SCN9A: variants seen among roughly 807,000 people sequenced by gnomAD.
The protein encoded by SCN9A is sodium channel protein type 9 subunit alpha.
SCN9A carries 131 observed loss-of-function variants against 187.0 expected under a neutral mutation model. The ratio of observed to expected loss-of-function variants is 0.70; its 90% CI spans 0.61 to 0.81. The LOEUF (loss-of-function observed/expected upper bound fraction) is 0.81, where lower values mean the gene tolerates loss of function less well. Among genes scored for constraint, SCN9A ranks in the 30% least tolerant of loss-of-function variants. SCN9A has a pLI of 0.00. For missense variants in SCN9A, 2,252 were observed against 2,396.6 expected (o/e 0.94, Z 1.26); for synonymous variants, 809 against 808.6 (o/e 1.00, Z -0.01).
At position 166,280,496 on chromosome 2, in the gene SCN9A, T is replaced by C; in HGVS notation, c.2204A>G (p.Lys735Arg). Residue 735 changes from lysine (K) to arginine (R), a missense_variant, in exon 14 of 27, where the codon AAG becomes AGG. Coordinates refer to ENST00000642356, the MANE Select transcript of SCN9A (RefSeq NM_001365536.1). ...NCSPYWIKFKKCIYFIVMDPF... is the reference protein window; with the variant it reads ...NCSPYWIKFKRCIYFIVMDPF... The stretch of plus-strand genomic sequence containing the variant: ...ATCCATTACAATAAAATAGATACAC[T>C]TTTTGAATTTTATCCAATATGGAGA... 4.4e-6 allele frequency: 7 copies of C among 1,587,298 alleles called. No homozygotes were observed. The highest frequency in any genetic ancestry group is 1.7e-4 in the Middle Eastern group (1 of 6,026).
At position 166,199,011 on chromosome 2, in the gene SCN9A, G is replaced by C; in HGVS notation, c.5628C>G (p.Ser1876=). ...RFMSANPSKV[S]YEPITTTLKR... is the part of the protein sequence containing the mutation. Reference sequence around the variant, plus strand: ...TTAGTGTGGTTGTGATGGGTTCATAGGACACTTTGGAAGGATTTGCAGACA... The same window carrying C: ...TTAGTGTGGTTGTGATGGGTTCATACGACACTTTGGAAGGATTTGCAGACA... Residue 1876 remains serine (S), a synonymous_variant, in exon 27 of 27, where the codon TCC becomes TCG. Transcript: ENST00000642356. The C allele has an allele frequency of 1.2e-6, 2 of 1,614,026 alleles. No individual in the cohort carries two copies. Among genetic ancestry groups the C allele is most frequent in the East Asian group, 4.5e-5 (2 of 44,880 alleles).
intron 18 of SCN9A, among the ~76,000 whole-genome samples, chr2:166,247,274 T>C (rs193182113): frequency 5.3e-5 from 8 of 151,096 alleles, no homozygotes; most frequent in Admixed American, 4.0e-4. Flanking sequence ...AATTTAAAAA[T>C]TGATTATGAA....
chr2:166,219,736 CA>C (rs1558958473), intron 24 of SCN9A, among the ~76,000 whole-genome samples: 1 of 151,648 alleles, frequency 6.6e-6, no homozygotes, highest in Non-Finnish European at 1.5e-5. Context: ...AAATAAAAGT[CA>C]AAAAAGTCAC....
intron 20 of SCN9A, among the ~76,000 whole-genome samples, chr2:166,237,343 T>C (rs1446149571): frequency 6.6e-6 from 1 of 152,026 alleles, no homozygotes; most frequent in Non-Finnish European, 1.5e-5. Flanking sequence ...ATATTTCTAC[T>C]TCGTTAAAAT....
At chr2:166,280,762 T>C (rs1374716680) in intron 13 of SCN9A, among the ~76,000 whole-genome samples, 167 bp from the exon 14 acceptor site, 10 of 152,212 alleles carry the variant, frequency 6.6e-5, no homozygotes, top group Admixed American at 6.5e-4. Context: ...GTAAGTCTAT[T>C]ATGACATGTT....
intron 7 of SCN9A, among the ~76,000 whole-genome samples, chr2:166,296,428 G>A (rs545344195): frequency 2.0e-3 from 305 of 152,288 alleles, no homozygotes; most frequent in African/African-American, 6.7e-3. Context: ...AAATGTAGGT[G>A]AAAATGTGCA....
At chr2:166,363,324 TCTCTG>T (rs1173486196) in intron 1 of SCN9A, among the ~76,000 whole-genome samples, 1 of 152,022 alleles carries the variant, frequency 6.6e-6, no homozygotes, top group Non-Finnish European at 1.5e-5. Flanking sequence ...TTAAGCACCT[TCTCTG>T]TGCAAAGCCT....
rs1697420744 is a variant in SCN9A, at chr2:166,280,338, C to A, written c.2343+19G>T. ...AAAAAGAGAAACTATGAGTACATAA[C>A]ACACAATAAGAGACTTACCAAATTT... On this transcript the variant is annotated intron_variant, in intron 14 of 26. Transcript: ENST00000642356. 1.5e-6 allele frequency: 2 copies of A among 1,349,954 alleles called. No individual in the cohort carries two copies. Among genetic ancestry groups the A allele is most frequent in the African/African-American group, 2.9e-5 (2 of 68,882 alleles). 83.6% of individuals were successfully genotyped at this position (1,349,954 alleles called of 1,614,324 possible).
intron 12 of SCN9A, among the ~76,000 whole-genome samples, chr2:166,283,982 T>C (rs1372816827): frequency 2.6e-5 from 4 of 152,178 alleles, no homozygotes; most frequent in Non-Finnish European, 4.4e-5. Flanking sequence ...TTGTCATAAA[T>C]ACTAAATATG....
intron 18 of SCN9A, among the ~76,000 whole-genome samples, chr2:166,248,920 C>T (rs745683004): frequency 6.6e-6 from 1 of 151,982 alleles, no homozygotes; most frequent in Non-Finnish European, 1.5e-5. Context: ...TCGCCCACCT[C>T]GGCCTCCCAA....
chr2:166,214,576 G>A (rs1239191411), intron 24 of SCN9A, among the ~76,000 whole-genome samples: 6 of 122,008 alleles, frequency 4.9e-5, no homozygotes, highest in African/African-American at 6.7e-5. Flanking sequence ...GTGCAGTGGC[G>A]CAATCTCGGC....
intron 24 of SCN9A, 75 bp from the exon 25 acceptor site, chr2:166,204,539 T>C (rs543837617): frequency 2.3e-6 from 2 of 856,654 alleles, no homozygotes; most frequent in East Asian, 2.6e-5. Flanking sequence ...ATTACTAAAA[T>C]AGGTTAAAAT....
chr2:166,338,041 AAG>A (rs1699671985), intron 1 of SCN9A, among the ~76,000 whole-genome samples: 2 of 152,144 alleles, frequency 1.3e-5, no homozygotes. Context: ...CCCAGGATAC[AAG>A]AGAGAAACCA....
At chr2:166,373,294 TCTC>T (rs1178065277) in intron 1 of SCN9A, among the ~76,000 whole-genome samples, 2 of 150,522 alleles carry the variant, frequency 1.3e-5, no homozygotes, top group South Asian at 2.1e-4. Context: ...TATTTCTTCT[TCTC>T]CTCTTCTTCT....
At chr2:166,374,908 C>A (rs1404794775) in intron 1 of SCN9A, among the ~76,000 whole-genome samples, 1 of 150,816 alleles carries the variant, frequency 6.6e-6, no homozygotes, top group Non-Finnish European at 1.5e-5. Context: ...AATCTATGAA[C>A]GCTCCAACTT....
At chr2:166,329,566 T>TG (rs542456172) in intron 1 of SCN9A, among the ~76,000 whole-genome samples, 55,012 of 146,530 alleles carry the variant, frequency 0.38, 10,912 homozygotes, top group Non-Finnish European at 0.47. Context: ...TTGTTATTGT[T>TG]GGGGGGGGGT....
chr2:166,227,392 C>A (rs1694884052), intron 23 of SCN9A, among the ~76,000 whole-genome samples: 1 of 152,080 alleles, frequency 6.6e-6, no homozygotes, highest in African/African-American at 2.4e-5. Flanking sequence ...ATGATAGATT[C>A]ATTAAATTAT....
chr2:166,211,904 T>TAGTA (rs1694112995), intron 24 of SCN9A, among the ~76,000 whole-genome samples: 1 of 151,856 alleles, frequency 6.6e-6, no homozygotes, highest in Non-Finnish European at 1.5e-5. Context: ...AAAAAGGCAA[T>TAGTA]AGTAAGTCAT....
At chr2:166,267,858 A>G (rs1270128178) in intron 17 of SCN9A, among the ~76,000 whole-genome samples, 1 of 151,974 alleles carries the variant, frequency 6.6e-6, no homozygotes, top group Non-Finnish European at 1.5e-5. Context: ...GATTGTTCAT[A>G]GTAGTCTCTA....
Sources: allele counts gnomAD v4.1 joint callset (sites outside exome capture counted in the v4.1 genomes callset), GRCh38; gene constraint gnomAD v4.1.1; transcripts MANE v1.5; gene names NCBI Gene and HGNC (gene_info 2026-07-23, HGNC 2026-07-21).